ZNF761: variants seen among roughly 807,000 people sequenced by gnomAD.
The protein encoded by ZNF761 is zinc finger protein 761.
A neutral mutation model predicts 59.9 loss-of-function variants in ZNF761; 43 were observed. The observed-to-expected ratio is 0.72, with a 90% CI of 0.56 to 0.92. ZNF761 has a LOEUF of 0.92. Ranked by LOEUF, ZNF761 falls within the 40% of genes least tolerant of loss-of-function variation. The probability of loss-of-function intolerance (pLI) is 0.00; values close to 1 mark genes in which losing one functional copy is unlikely to be tolerated. For synonymous variants in ZNF761, 294 were observed against 304.8 expected, an observed-to-expected ratio of 0.96 and a Z score of 0.37; for missense variants, 850 against 906.1, an observed-to-expected ratio of 0.94 and a Z score of 0.79.
chr19:53,444,029 A>G (rs915291507), intron 1 of ZNF761: 33 of 152,562 alleles, frequency 2.2e-4, no homozygotes, highest in African/African-American at 8.0e-4. Flanking sequence ...AGTCATCACC[A>G]TTCTCCAGTC....
intron 1 of ZNF761, among the ~76,000 whole-genome samples, chr19:53,432,654 C>T (rs866696874): frequency 1.8e-4 from 27 of 152,154 alleles, no homozygotes; most frequent in Non-Finnish European, 2.6e-4. Context: ...CCTCCTGTGA[C>T]TGTGTGGGCC....
chr19:53,434,280 A>G (rs756666184), intron 1 of ZNF761, among the ~76,000 whole-genome samples: 3 of 152,124 alleles, frequency 2.0e-5, no homozygotes, highest in African/African-American at 7.2e-5. Context: ...TTATGTCTAT[A>G]TATCTTTTGT....
intron 1 of ZNF761, among the ~76,000 whole-genome samples, chr19:53,445,695 A>G (rs1161913687): frequency 6.6e-6 from 1 of 152,122 alleles, no homozygotes; most frequent in African/African-American, 2.4e-5. Flanking sequence ...AATTAAAAAA[A>G]ATTTTTTAAA....
At chr19:53,445,885 G>C (rs1356116197) in intron 1 of ZNF761, among the ~76,000 whole-genome samples, 3 of 152,062 alleles carry the variant, frequency 2.0e-5, no homozygotes, top group Non-Finnish European at 4.4e-5. Context: ...CCTCACTGTG[G>C]CTCCACAGCC....
At chr19:53,454,151 T>C (rs2086243598) in intron 4 of ZNF761, among the ~76,000 whole-genome samples, 1 of 152,200 alleles carries the variant, frequency 6.6e-6, no homozygotes, top group Non-Finnish European at 1.5e-5. Context: ...TTTGTAATCT[T>C]TTCTTGTCTT....
At position 53,448,420 on chromosome 19, in the gene ZNF761, C is replaced by T. The variant is rs375649544; in HGVS notation, c.16-1092C>T. Among the ~76,000 whole-genome samples, 13 of 152,336 alleles carry T rather than the reference C, an allele frequency of 8.5e-5. No homozygotes were observed. The South Asian group carries it at 2.5e-3, about 29-fold the overall frequency. ...TTAGATTTTTTGCCATAATGCATCT[C>T]CTTTCCCTGTCACGTCCTCCACCCT... is the stretch of plus-strand genomic sequence containing the variant. On this transcript the variant is annotated intron_variant, in intron 3 of 4. Coordinates refer to ENST00000684525, the MANE Select transcript of ZNF761 (RefSeq NM_001289951.2).
intron 4 of ZNF761, among the ~76,000 whole-genome samples, chr19:53,451,008 A>AAAT (rs967744876): frequency 5.3e-5 from 8 of 151,852 alleles, no homozygotes; most frequent in African/African-American, 1.9e-4. Flanking sequence ...AAAAAAAAAA[A>AAAT]ATTCCATAAC....
chr19:53,442,123 T>G, intron 1 of ZNF761: 1 of 1,054,406 alleles, frequency 9.5e-7, no homozygotes, highest in East Asian at 2.4e-5. Flanking sequence ...CTGATGAGAG[T>G]GAGAGAGATA....
rs538320587 is a variant in ZNF761 at position 53,442,451 on chromosome 19, G to A, written c.-184-3776G>A. 2.7e-5 allele frequency: 21 copies of A among 792,142 alleles called. No homozygotes were observed. The East Asian group carries it at 4.9e-4, about 18-fold the overall frequency. 49.1% of individuals were successfully genotyped at this position (792,142 alleles called of 1,614,324 possible). The stretch of plus-strand genomic sequence containing the variant: ...TGAAGATTCTTACTGATAATCTCAA[G>A]GAGGCAGAGACCCATGCTGAGTTGG... On this transcript the variant is annotated intron_variant, in intron 1 of 4. Coordinates refer to ENST00000684525, the MANE Select transcript of ZNF761 (RefSeq NM_001289951.2).
At position 53,456,101 on chromosome 19, in the gene ZNF761, A is replaced by T. The variant is rs2147144788; in HGVS notation, c.1594A>T (p.Ser532Cys). 2 of 1,603,214 alleles carry T rather than the reference A, an allele frequency of 1.2e-6. No individual in the cohort carries two copies. Among genetic ancestry groups the T allele is most frequent in the Non-Finnish European group, 8.5e-7 (1 of 1,172,268 alleles). ...YKCNECGKTF[S>C]WKSSLTCHRR... ...GTGTAATGAGTGCGGCAAGACCTTT[A>T]GTTGGAAGTCATCCCTTACCTGCCA... Residue 532 changes from serine (S) to cysteine (C), a missense_variant, in exon 5 of 5, where the codon AGT becomes TGT. Physicochemically the swap from Ser to Cys is moderately radical, Grantham distance 112. Transcript: ENST00000684525.
chr19:53,451,498 C>T (rs2086221254), intron 4 of ZNF761, among the ~76,000 whole-genome samples: 1 of 152,176 alleles, frequency 6.6e-6, no homozygotes, highest in African/African-American at 2.4e-5. Context: ...TGAACCACCG[C>T]ACCCAGCCTG....
chr19:53,446,624 C>T (rs1173991123), intron 2 of ZNF761, among the ~76,000 whole-genome samples: 1 of 152,140 alleles, frequency 6.6e-6, no homozygotes, highest in Non-Finnish European at 1.5e-5. Context: ...CCACCCTCCT[C>T]AGCCTTCCAG....
In ZNF761 at chr19:53,440,979, A is replaced by G. The variant is rs1427246704; in HGVS notation, c.-184-5248A>G. Among the ~76,000 whole-genome samples the G allele has an allele frequency of 3.3e-5, 5 of 152,330 alleles. No individual in the cohort carries two copies. The East Asian group carries it at 7.7e-4, about 24-fold the overall frequency. ...GGATAAGCCACCACACCTGGTCTAC[A>G]TAGTACTTTTCAAAAGGGATATCAA... On this transcript the variant is annotated intron_variant, in intron 1 of 4. Coordinates refer to ENST00000684525, the MANE Select transcript of ZNF761 (RefSeq NM_001289951.2).
rs2086284093 is a variant in ZNF761, at chr19:53,457,676, T to A, written c.*928T>A. On this transcript the variant is annotated 3_prime_UTR_variant, in exon 5 of 5. Coordinates refer to ENST00000684525, the MANE Select transcript of ZNF761 (RefSeq NM_001289951.2). ...CTTAACATTGAGTTCAAGCATTAAT[T>A]GACATTAGTGTTTATGTTAAGAGGA... 1 of 231,150 alleles carries A rather than the reference T, an allele frequency of 4.3e-6. No individual in the cohort carries two copies. Among genetic ancestry groups the A allele is most frequent in the African/African-American group, 2.4e-5 (1 of 42,178 alleles). The allele number at this position is 231,150 out of a possible 1,614,324, so 14.3% of individuals were successfully genotyped here.
Position 53,456,129 on chromosome 19 carries a change from G to C in ZNF761, c.1622G>C (p.Arg541Pro). 1 of 1,613,196 alleles carries C rather than the reference G, an allele frequency of 6.2e-7. No homozygotes were observed. Among genetic ancestry groups the C allele is most frequent in the South Asian group, 1.1e-5 (1 of 90,988 alleles). ...FSWKSSLTCH[R>P]RLHSGEKPYK... is the part of the protein sequence containing the mutation. Reference sequence around the variant, plus strand: ...TGGAAGTCATCCCTTACCTGCCATCGTAGACTTCATTCTGGAGAGAAACCT... The same window carrying C: ...TGGAAGTCATCCCTTACCTGCCATCCTAGACTTCATTCTGGAGAGAAACCT... The change falls in exon 5 of 5, where the codon CGT becomes CCT. Residue 541 changes from arginine to proline, a missense_variant. Coordinates refer to ENST00000684525, the MANE Select transcript of ZNF761 (RefSeq NM_001289951.2).
At position 53,455,043 on chromosome 19, in the gene ZNF761, G is replaced by T. The variant is rs1477998759; in HGVS notation, c.536G>T (p.Arg179Ile). Residue 179 changes from arginine to isoleucine, a missense_variant, in exon 5 of 5, where the codon AGA becomes ATA. Arg to Ile is a moderately conservative substitution (Grantham distance 97). Coordinates refer to ENST00000684525, the MANE Select transcript of ZNF761 (RefSeq NM_001289951.2). ...GCTTCCTTGGTTTCAACAGCCCAAA[G>T]AATTTCTTGTAGGCCCAAAACCCAT... ...HDASLVSTAQ[R>I]ISCRPKTHIS... 1.2e-6 allele frequency: 2 copies of T among 1,614,134 alleles called. No homozygotes were observed. Among genetic ancestry groups the T allele is most frequent in the Non-Finnish European group, 1.7e-6 (2 of 1,180,022 alleles).
Position 53,435,029 on chromosome 19 carries a change from C to T in ZNF761, c.-185+3001C>T, listed in dbSNP as rs150237591. Among the ~76,000 whole-genome samples, 1,207 of 152,126 alleles carry T rather than the reference C, an allele frequency of 7.9e-3. 15 individuals are homozygous for T. The highest frequency in any genetic ancestry group is 0.027 in the African/African-American group (1,128 of 41,498). ...GTGGAGACACGTATGGGGTAACCTG[C>T]AGTCCGCATGGGTAAGTCTGGCTTT... On this transcript the variant is annotated intron_variant, in intron 1 of 4. Transcript: ENST00000684525.
chr19:53,435,289 C>CTTTTTT lies in ZNF761; in HGVS notation c.-185+3288_-185+3293dup, dbSNP rs368157010. ...GGTCGTCTGGCTATAAATACAAGTCCTTTTTTTTTTTTTTTTTTTTTTTTT... is the reference window on the plus strand; with the variant it reads ...GGTCGTCTGGCTATAAATACAAGTCCTTTTTTTTTTTTTTTTTTTTTTTTTTTTTTT... On this transcript the variant is annotated intron_variant, in intron 1 of 4. Transcript: ENST00000684525. 2.7e-3 allele frequency among the ~76,000 whole-genome samples: 145 copies of CTTTTTT among 53,620 alleles called. 18 individuals are homozygous for CTTTTTT. Among genetic ancestry groups the CTTTTTT allele is most frequent in the African/African-American group, 5.0e-3 (62 of 12,362 alleles). The allele number at this position is 53,620 out of a possible 152,430, so 35.2% of individuals were successfully genotyped here.
chr19:53,443,582 T>A (rs1428490645), intron 1 of ZNF761: 4 of 152,150 alleles, frequency 2.6e-5, no homozygotes, highest in African/African-American at 9.7e-5. Flanking sequence ...TATAGGTGTG[T>A]CAGGTTAACA....
Sources: gnomAD v4.1 joint callset for allele counts (sites outside exome capture counted in the v4.1 genomes callset) on GRCh38, gnomAD v4.1.1 for gene constraint, MANE v1.5 for transcripts, NCBI Gene and HGNC (gene_info 2026-07-23, HGNC 2026-07-21) for gene names.